UPK3A: variants seen among roughly 807,000 people sequenced by gnomAD.
The protein encoded by UPK3A is uroplakin 3A.
A neutral mutation model predicts 27.6 loss-of-function variants in UPK3A; 32 were observed. That is an observed-to-expected ratio of 1.16 (90% CI 0.87 to 1.55). The LOEUF (loss-of-function observed/expected upper bound fraction) is 1.55, where lower values mean the gene tolerates loss of function less well. UPK3A is among the 40% of genes most tolerant of loss of function. The probability of loss-of-function intolerance (pLI) is 0.00; values close to 1 mark genes in which losing one functional copy is unlikely to be tolerated. For synonymous variants in UPK3A, 171 were observed against 163.9 expected (o/e 1.04, Z -0.33); for missense variants, 370 against 367.9 (o/e 1.01, Z -0.05).
intron 5 of UPK3A, among the ~76,000 whole-genome samples, chr22:45,294,789 C>T (rs2084184026): frequency 6.6e-6 from 1 of 152,006 alleles, no homozygotes; most frequent in African/African-American, 2.4e-5. Flanking sequence ...CGATCTGTAC[C>T]ATCGCTCCAG....
chr22:45,285,062 T>A lies in UPK3A; in HGVS notation c.49T>A (p.Ser17Thr). Residue 17 changes from serine to threonine, a missense_variant, in exon 1 of 6, where the codon TCG becomes ACG. Transcript: ENST00000216211. Reference protein sequence around the residue: ...LLALGCLRFGSAVNLQPQLAS... With the variant: ...LLALGCLRFGTAVNLQPQLAS... Reference sequence around the variant, plus strand: ...GGCCCTCGGCTGCCTGCGGTTCGGCTCGGGTAGGCGGTGAAGGGCAGGAGG... The same window carrying A: ...GGCCCTCGGCTGCCTGCGGTTCGGCACGGGTAGGCGGTGAAGGGCAGGAGG... The A allele has an allele frequency of 6.5e-7, 1 of 1,536,312 alleles. No homozygotes were observed. Among genetic ancestry groups the A allele is most frequent in the Non-Finnish European group, 8.7e-7 (1 of 1,148,084 alleles).
rs2084171957 is a variant in UPK3A at position 45,293,051 on chromosome 22, C to T, written c.572-130C>T. Reference sequence around the variant, plus strand: ...ATTGTGCCTAAAACCTGAGAGAAGTCGCCCCACTGGGTCCCAGGGTCATCC... The same window carrying T: ...ATTGTGCCTAAAACCTGAGAGAAGTTGCCCCACTGGGTCCCAGGGTCATCC... On this transcript the variant is annotated intron_variant, in intron 4 of 5. Transcript: ENST00000216211. The T allele has an allele frequency of 6.7e-6, 9 of 1,337,536 alleles. No individual in the cohort carries two copies. In the South Asian group the frequency reaches 8.7e-5, roughly 13 times the overall value. The allele number at this position is 1,337,536 out of a possible 1,614,324, so 82.9% of individuals were successfully genotyped here.
chr22:45,295,228 C>T (rs1259843085), intron 5 of UPK3A, among the ~76,000 whole-genome samples: 1 of 152,018 alleles, frequency 6.6e-6, no homozygotes, highest in Non-Finnish European at 1.5e-5. Flanking sequence ...TCCTGCAGCT[C>T]CCACCTGCGC....
chr22:45,293,674 G>A (rs979676360), intron 5 of UPK3A, among the ~76,000 whole-genome samples: 10 of 152,164 alleles, frequency 6.6e-5, no homozygotes, highest in Non-Finnish European at 1.3e-4. Context: ...ATAAATATTA[G>A]TCATCTCACG....
At chr22:45,294,758 G>A (rs949847066) in intron 5 of UPK3A, among the ~76,000 whole-genome samples, 2 of 151,768 alleles carry the variant, frequency 1.3e-5, no homozygotes, top group Admixed American at 1.3e-4. Context: ...ACTTTGTTCC[G>A]GCTCCAGCTG....
Position 45,287,260 on chromosome 22 carries a change from C to T in UPK3A, c.297C>T (p.Pro99=), listed in dbSNP as rs1283485309. Residue 99 remains proline (P), a synonymous_variant, in exon 3 of 6, where the codon CCC becomes CCT. Transcript: ENST00000216211. Reference sequence around the variant, plus strand: ...AAACAGAGGGTGGGAGGACAGGTCCCTACAAAGCTGTGGCCTTTGACCTGA... The same window carrying T: ...AAACAGAGGGTGGGAGGACAGGTCCTTACAAAGCTGTGGCCTTTGACCTGA... ...FLQTEGGRTG[P]YKAVAFDLIP... 6.2e-7 allele frequency: 1 copy of T among 1,614,094 alleles called. No individual in the cohort carries two copies. Among genetic ancestry groups the T allele is most frequent in the African/African-American group, 1.3e-5 (1 of 74,926 alleles).
intron 4 of UPK3A, among the ~76,000 whole-genome samples, chr22:45,289,508 G>T (rs1034227498): frequency 6.6e-6 from 1 of 151,320 alleles, no homozygotes; most frequent in African/African-American, 2.4e-5. Flanking sequence ...AACCCGGGAG[G>T]TGGAGCTTGC....
intron 4 of UPK3A, 133 bp downstream of exon 4, chr22:45,289,276 C>A: frequency 2.3e-6 from 2 of 862,360 alleles, no homozygotes; most frequent in Admixed American, 2.2e-5. Context: ...GTAAAATGCT[C>A]CTTAAAGCTG....
Position 45,295,666 on chromosome 22 carries a change from C to T in UPK3A, c.811C>T (p.Arg271Trp), listed in dbSNP as rs778937042. ...ASESSYTSVN[R>W]GPPLDRAEVY... Reference sequence around the variant, plus strand: ...GGAGTCTTCCTACACGTCCGTGAACCGGGGGCCGCCACTGGACAGGGCTGA... The same window carrying T: ...GGAGTCTTCCTACACGTCCGTGAACTGGGGGCCGCCACTGGACAGGGCTGA... Residue 271 changes from arginine (R) to tryptophan (W), a missense_variant, in exon 6 of 6, where the codon CGG (arginine) becomes TGG (tryptophan). Arg to Trp is a moderately radical substitution (Grantham distance 101, BLOSUM62 -3). Transcript: ENST00000216211. The T allele has an allele frequency of 5.7e-5, 92 of 1,613,680 alleles. 1 individual carries two copies. Among genetic ancestry groups the T allele is most frequent in the African/African-American group, 1.7e-4 (13 of 74,842 alleles).
rs1411871107 is a variant in UPK3A, at chr22:45,284,983, C to T, written c.-31C>T. The stretch of plus-strand genomic sequence containing the variant: ...GCCCGCGCCTGCTCGCTGGACCGCC[C>T]GCCCCGCGCTCTGGCGGCTCCTCCC... On this transcript the variant is annotated 5_prime_UTR_variant, in exon 1 of 6. Transcript: ENST00000216211. The T allele has an allele frequency of 4.6e-6, 7 of 1,528,112 alleles. No homozygotes were observed. The highest frequency in any genetic ancestry group is 6.1e-6 in the Non-Finnish European group (7 of 1,143,636). 94.7% of individuals were successfully genotyped at this position (1,528,112 alleles called of 1,614,324 possible). A position where few individuals can be genotyped will look rare whatever the true frequency, so the allele number is the denominator to read the frequency against.
intron 4 of UPK3A, among the ~76,000 whole-genome samples, chr22:45,290,733 G>A (rs953519807): frequency 6.6e-6 from 1 of 152,166 alleles, no homozygotes; most frequent in African/African-American, 2.4e-5. Context: ...CAGTGGGCGA[G>A]TGAAACTTCA....
intron 4 of UPK3A, among the ~76,000 whole-genome samples, chr22:45,291,503 TGA>T (rs1408169348): frequency 6.7e-6 from 1 of 149,584 alleles, no homozygotes; most frequent in Non-Finnish European, 1.5e-5. Flanking sequence ...TGTGTGAGTG[TGA>T]GAGTGTGTGT....
intron 4 of UPK3A, among the ~76,000 whole-genome samples, chr22:45,290,830 G>T (rs1297192973): frequency 6.6e-6 from 1 of 152,122 alleles, no homozygotes; most frequent in Non-Finnish European, 1.5e-5. Flanking sequence ...GAGTGTCACG[G>T]GAGCGCGAAC....
chr22:45,294,970 A>C (rs1180007605), intron 5 of UPK3A, among the ~76,000 whole-genome samples: 2 of 149,914 alleles, frequency 1.3e-5, no homozygotes, highest in Non-Finnish European at 3.0e-5. Context: ...GGTTCAAGCG[A>C]TACTCCTGCC....
At chr22:45,291,960 T>G (rs537176932) in intron 4 of UPK3A, among the ~76,000 whole-genome samples, 1 of 152,032 alleles carries the variant, frequency 6.6e-6, no homozygotes, top group African/African-American at 2.4e-5. Flanking sequence ...ATGTGTGGTG[T>G]GTGGTGTGTG....
intron 2 of UPK3A, among the ~76,000 whole-genome samples, chr22:45,286,909 C>T (rs1330111422): frequency 1.3e-5 from 2 of 152,118 alleles, no homozygotes; most frequent in Admixed American, 6.6e-5. Flanking sequence ...AATGAAGAGA[C>T]AAAGGTCTGT....
At chr22:45,288,974 C>A in intron 3 of UPK3A, 87 bp from the exon 4 acceptor site, 1 of 1,361,676 alleles carries the variant, frequency 7.3e-7, no homozygotes, top group Non-Finnish European at 1.0e-6. Flanking sequence ...TCTCCCACCC[C>A]TAGGCCATCC....
At chr22:45,289,010 G>A (rs2084139726) in intron 3 of UPK3A, 51 bp from the exon 4 acceptor site, 5 of 1,579,558 alleles carry the variant, frequency 3.2e-6, no homozygotes, top group African/African-American at 1.3e-5. Flanking sequence ...CCTCCCTGTG[G>A]GTGGGGCTCA....
At chr22:45,293,433 C>T in intron 5 of UPK3A, 120 bp downstream of exon 5, 1 of 1,326,280 alleles carries the variant, frequency 7.5e-7, no homozygotes, top group Non-Finnish European at 1.1e-6. Flanking sequence ...AAGGAAGCTA[C>T]CCTCTGCCCC....
Sources: allele counts gnomAD v4.1 joint callset (sites outside exome capture counted in the v4.1 genomes callset), GRCh38; gene constraint gnomAD v4.1.1; transcripts MANE v1.5; gene names NCBI Gene and HGNC (gene_info 2026-07-23, HGNC 2026-07-21).